FAM151A: variants seen among roughly 807,000 people sequenced by gnomAD.
The protein encoded by FAM151A is protein FAM151A.
In FAM151A, 41 loss-of-function variants were observed where a neutral mutation model predicts 40.4. The observed-to-expected ratio is 1.01, with a 90% CI of 0.79 to 1.32. FAM151A has a LOEUF of 1.32. Ranked by LOEUF, FAM151A falls within the 40% of genes most tolerant of loss-of-function variation. FAM151A has a pLI of 0.00. For synonymous variants in FAM151A, 337 were observed against 312.5 expected, an observed-to-expected ratio of 1.08 and a Z score of -0.83; for missense variants, 740 against 740.4, an observed-to-expected ratio of 1.00 and a Z score of 0.01.
rs1644251816 is a variant in FAM151A at position 54,623,524 on chromosome 1, C to G, written c.-129G>C. ...AATTCTCCACCGGGCCTGGTCTGCT[C>G]TGCAGCCCTGTAATATCCCCTCTGG... On this transcript the variant is annotated 5_prime_UTR_variant, in exon 1 of 8. Coordinates refer to ENST00000302250, the MANE Select transcript of FAM151A (RefSeq NM_176782.3). 1 of 713,198 alleles carries G rather than the reference C, an allele frequency of 1.4e-6. No homozygotes were observed. The highest frequency in any genetic ancestry group is 2.5e-6 in the Non-Finnish European group (1 of 402,644). The allele number at this position is 713,198 out of a possible 1,614,324, so 44.2% of individuals were successfully genotyped here.
Position 54,610,540 on chromosome 1 carries a change from T to C in FAM151A, c.956A>G (p.Lys319Arg). ...FKQLALNATRKPMYYTGGSLI... is the reference protein window; with the variant it reads ...FKQLALNATRRPMYYTGGSLI... ...GCTGCCTCCCGTGTAGTACATTGGT[T>C]TCCGTGTGGCATTCACTGTGGGGCC... Residue 319 changes from lysine (K) to arginine (R), a missense_variant, in exon 7 of 8, where the codon AAA becomes AGA. Physicochemically the swap from Lys to Arg is conservative, Grantham distance 26. Transcript: ENST00000302250. The C allele has an allele frequency of 6.2e-7, 1 of 1,612,448 alleles. No individual in the cohort carries two copies. Among genetic ancestry groups the C allele is most frequent in the Non-Finnish European group, 8.5e-7 (1 of 1,179,038 alleles).
At chr1:54,620,142 A>G in intron 1 of FAM151A, 135 bp from the exon 2 acceptor site, 4 of 914,260 alleles carry the variant, frequency 4.4e-6, no homozygotes, top group Non-Finnish European at 6.5e-6. Flanking sequence ...TGAGGCTCAG[A>G]CTCACTGGTG....
intron 2 of FAM151A, among the ~76,000 whole-genome samples, 155 bp from the exon 3 acceptor site, chr1:54,616,327 T>C (rs1644172878): frequency 6.6e-6 from 1 of 152,034 alleles, no homozygotes; most frequent in Admixed American, 6.5e-5. Flanking sequence ...GTTTCACATT[T>C]CGATGATTTT....
intron 6 of FAM151A, 122 bp downstream of exon 6, chr1:54,611,484 C>T: frequency 1.1e-6 from 1 of 940,792 alleles, no homozygotes; most frequent in Non-Finnish European, 1.6e-6. Flanking sequence ...GCAGCCGCCT[C>T]CTGTCCCACC....
At position 54,623,265 on chromosome 1, in the gene FAM151A, G is replaced by T; in HGVS notation, c.118+13C>A. 6.3e-7 allele frequency: 1 copy of T among 1,594,106 alleles called. No homozygotes were observed. Among genetic ancestry groups the T allele is most frequent in the South Asian group, 1.1e-5 (1 of 90,604 alleles). On this transcript the variant is annotated intron_variant, in intron 1 of 7. Transcript: ENST00000302250. ...GGGAAGCCACTCAGGATGACATGGG[G>T]GGAGGCACCTACCTGGCCGCCGCAG...
At chr1:54,623,136 C>T in intron 1 of FAM151A, 142 bp downstream of exon 1, 2 of 604,090 alleles carry the variant, frequency 3.3e-6, no homozygotes, top group Non-Finnish European at 5.8e-6. Flanking sequence ...AGAATCGTGC[C>T]ATTGTACTCC....
intron 4 of FAM151A, 84 bp from the exon 5 acceptor site, chr1:54,612,794 G>A: frequency 1.0e-6 from 1 of 988,670 alleles, no homozygotes. Context: ...GTGCTAGGGA[G>A]TGGCAGAGCC....
rs764835680 is a variant in FAM151A at position 54,623,332 on chromosome 1, C to T, written c.64G>A (p.Val22Met). ...ATTGCGGCAATGACCACCACAGACA[C>T]ACAGGTAATGCCGGCAAACACCCAC... ...VKWVFAGITC[V>M]SVVVIAAIVL... is the part of the protein sequence containing the mutation. Residue 22 changes from valine (V) to methionine (M), a missense_variant, in exon 1 of 8, where the codon GTG becomes ATG. Val to Met is a conservative substitution (Grantham distance 21). Coordinates refer to ENST00000302250, the MANE Select transcript of FAM151A (RefSeq NM_176782.3). The T allele has an allele frequency of 6.2e-7, 1 of 1,614,104 alleles. No individual in the cohort carries two copies. The highest frequency in any genetic ancestry group is 2.2e-5 in the East Asian group (1 of 44,870).
At chr1:54,618,847 T>C (rs981584826) in intron 2 of FAM151A, among the ~76,000 whole-genome samples, 1 of 152,196 alleles carries the variant, frequency 6.6e-6, no homozygotes, top group Admixed American at 6.5e-5. Context: ...ATTTGATCTT[T>C]TTTTGCCTGT....
intron 4 of FAM151A, among the ~76,000 whole-genome samples, chr1:54,613,189 G>C (rs1285194568): frequency 2.6e-5 from 4 of 152,030 alleles, no homozygotes; most frequent in Non-Finnish European, 4.4e-5. Flanking sequence ...AGACCAGCCT[G>C]ACCAACATGG....
In FAM151A at chr1:54,620,845, C is replaced by CAAAAA. The variant is rs767625864; in HGVS notation, c.119-843_119-839dup. 1.5e-3 allele frequency among the ~76,000 whole-genome samples: 18 copies of CAAAAA among 12,126 alleles called. 3 individuals carry two copies. The highest frequency in any genetic ancestry group is 2.8e-3 in the African/African-American group (9 of 3,196). The allele number at this position is 12,126 out of a possible 152,430, so 8.0% of individuals were successfully genotyped here. On this transcript the variant is annotated intron_variant, in intron 1 of 7. Transcript: ENST00000302250. ...CCTGGATGACACAAAGAGACTCTGTCAAAAAAAAAAAAAAAAAAAAAAAAA... is the reference window on the plus strand; with the variant it reads ...CCTGGATGACACAAAGAGACTCTGTCAAAAAAAAAAAAAAAAAAAAAAAAAAAAAA...
At position 54,611,684 on chromosome 1, in the gene FAM151A, C is replaced by T. The variant is rs781597271; in HGVS notation, c.862G>A (p.Val288Ile). Reference sequence around the variant, plus strand: ...TGGTGGACAGCAGTGTTATCCCGGACGTAGAGCAGATCTTCCACCGACATG... The same window carrying T: ...TGGTGGACAGCAGTGTTATCCCGGATGTAGAGCAGATCTTCCACCGACATG... ...DPMSVEDLLYVRDNTAVHQVY... is the reference protein window; with the variant it reads ...DPMSVEDLLYIRDNTAVHQVY... Residue 288 changes from valine to isoleucine, a missense_variant, in exon 6 of 8, where the codon GTC (valine) becomes ATC (isoleucine). Coordinates refer to ENST00000302250, the MANE Select transcript of FAM151A (RefSeq NM_176782.3). 1.3e-5 allele frequency: 21 copies of T among 1,613,946 alleles called. No homozygotes were observed. The highest frequency in any genetic ancestry group is 3.3e-5 in the South Asian group (3 of 91,078).
intron 4 of FAM151A, among the ~76,000 whole-genome samples, chr1:54,613,722 G>A (rs1278604609): frequency 3.9e-5 from 6 of 152,286 alleles, no homozygotes; most frequent in South Asian, 4.1e-4. Context: ...ACCCTACTGA[G>A]TAAAATTAGC....
At position 54,609,555 on chromosome 1, in the gene FAM151A, CCCTGTAG is replaced by C. The variant is rs1557668057; in HGVS notation, c.1464_1470del (p.Tyr489AsnfsTer8). The C allele has an allele frequency of 6.2e-7, 1 of 1,612,708 alleles. No individual in the cohort carries two copies. The highest frequency in any genetic ancestry group is 1.7e-5 in the Admixed American group (1 of 60,032). The stretch of plus-strand genomic sequence containing the variant: ...TCTAGCATATCTGTGAGCAGCTGTT[CCCTGTAG>C]CCACTGCCCAGCACCTCCTCAGGCC... On this transcript the variant is annotated frameshift_variant, in exon 8 of 8. Coordinates refer to ENST00000302250, the MANE Select transcript of FAM151A (RefSeq NM_176782.3). LOFTEE classifies it low-confidence loss of function (END_TRUNC).
rs146589423 is a variant in FAM151A, at chr1:54,618,646, G to A, written c.262+1218C>T. ...GAGAGGAAAGGATTTGTTTCCTGTG[G>A]CCACAGCTGTAGCCCTGGTCCTCAG... On this transcript the variant is annotated intron_variant, in intron 2 of 7. Coordinates refer to ENST00000302250, the MANE Select transcript of FAM151A (RefSeq NM_176782.3). 2.1e-3 allele frequency among the ~76,000 whole-genome samples: 326 copies of A among 152,266 alleles called. 3 individuals are homozygous for A. The highest frequency in any genetic ancestry group is 0.01 in the Middle Eastern group (3 of 294).
At chr1:54,612,128 G>C (rs538671017) in intron 5 of FAM151A, among the ~76,000 whole-genome samples, 80 of 151,530 alleles carry the variant, frequency 5.3e-4, no homozygotes, top group Admixed American at 1.2e-3. Context: ...GGGGGCAGGG[G>C]AGTCTCTAAA....
Position 54,609,184 on chromosome 1 carries a change from A to G in FAM151A, c.*84T>C. On this transcript the variant is annotated 3_prime_UTR_variant, in exon 8 of 8. Coordinates refer to ENST00000302250, the MANE Select transcript of FAM151A (RefSeq NM_176782.3). ...CCAAGGACTCACATACAGTGCCTGG[A>G]GAAAGCCAAAGACCTTTATTTCTTC... is the stretch of plus-strand genomic sequence containing the variant. 1.2e-6 allele frequency: 2 copies of G among 1,602,926 alleles called. No individual in the cohort carries two copies. Among genetic ancestry groups the G allele is most frequent in the Non-Finnish European group, 1.7e-6 (2 of 1,174,136 alleles).
intron 3 of FAM151A, among the ~76,000 whole-genome samples, chr1:54,615,192 AG>A (rs1188403980): frequency 6.6e-6 from 1 of 152,166 alleles, no homozygotes; most frequent in Non-Finnish European, 1.5e-5. Flanking sequence ...TGAGCAGGGC[AG>A]ACTCAGAGGG....
At chr1:54,623,153 G>A in intron 1 of FAM151A, 125 bp downstream of exon 1, 1 of 662,242 alleles carries the variant, frequency 1.5e-6, no homozygotes, top group Non-Finnish European at 2.6e-6. Flanking sequence ...CTCCAGCCTG[G>A]GCAACAAGAG....
Sources: gnomAD v4.1 joint callset for allele counts (sites outside exome capture counted in the v4.1 genomes callset) on GRCh38, gnomAD v4.1.1 for gene constraint, MANE v1.5 for transcripts, NCBI Gene and HGNC (gene_info 2026-07-23, HGNC 2026-07-21) for gene names.